The following LYST variants were observed in gnomAD, a reference collection of about 807,000 sequenced individuals.
LYST encodes the protein lysosomal-trafficking regulator.
In LYST, 192 loss-of-function variants were observed where a neutral mutation model predicts 413.6. The ratio of observed to expected loss-of-function variants is 0.46; its 90% confidence interval spans 0.41 to 0.52. The LOEUF (loss-of-function observed/expected upper bound fraction) is 0.52. Among genes scored for constraint, LYST ranks in the 20% least tolerant of loss-of-function variants. LYST has a pLI of 0.00. For missense variants in LYST, 3,815 were observed against 4,499.9 expected, an observed-to-expected ratio of 0.85 and a Z score of 4.35; for synonymous variants, 1,525 against 1,567.3, an observed-to-expected ratio of 0.97 and a Z score of 0.64.
intron 31 of LYST, chr1:235,738,500 A>G (rs1665020826): frequency 6.2e-7 from 1 of 1,612,250 alleles, no homozygotes; most frequent in Non-Finnish European, 8.5e-7. Flanking sequence ...ATCTGGACTC[A>G]GCCCAATTCC....
In LYST at chr1:235,681,699, T is replaced by C. The variant is rs1452698241; in HGVS notation, c.10801-4080A>G. Reference sequence around the variant, plus strand: ...TGCTGTGATTCTTTAATCCAAAATGTAGGTTTTAATTGTAGGAAAATCTCA... The same window carrying C: ...TGCTGTGATTCTTTAATCCAAAATGCAGGTTTTAATTGTAGGAAAATCTCA... On this transcript the variant is annotated intron_variant, in intron 48 of 52. Coordinates refer to ENST00000389793, the MANE Select transcript of LYST (RefSeq NM_000081.4). 1.2e-4 allele frequency among the ~76,000 whole-genome samples: 19 copies of C among 152,190 alleles called. 1 individual carries two copies. Among genetic ancestry groups the C allele is most frequent in the Admixed American group, 1.2e-3 (19 of 15,278 alleles).
At chr1:235,762,883 AT>A in intron 21 of LYST, 32 bp from the exon 22 acceptor site, 3 of 1,592,266 alleles carry the variant, frequency 1.9e-6, no homozygotes, top group Admixed American at 1.7e-5. Context: ...AAACAGCAAA[AT>A]TTTTAAAAAG....
intron 1 of LYST, among the ~76,000 whole-genome samples, chr1:235,873,458 G>A (rs998055211): frequency 1.3e-5 from 2 of 151,976 alleles, no homozygotes; most frequent in Non-Finnish European, 2.9e-5. Flanking sequence ...AATATACAAC[G>A]TAGGAAATGG....
rs67988872 is a variant in LYST at position 235,799,928 on chromosome 1, C to CTTTTTTTT, written c.4006+384_4006+391dup. 6.3e-5 allele frequency among the ~76,000 whole-genome samples: 4 copies of CTTTTTTTT among 63,504 alleles called. 1 individual carries two copies. The highest frequency in any genetic ancestry group is 2.7e-4 in the African/African-American group (4 of 14,826). 41.7% of individuals were successfully genotyped at this position (63,504 alleles called of 152,430 possible). A position where few individuals can be genotyped will look rare whatever the true frequency, so the allele number is the denominator to read the frequency against. On this transcript the variant is annotated intron_variant, in intron 10 of 52. Coordinates refer to ENST00000389793, the MANE Select transcript of LYST (RefSeq NM_000081.4). Reference sequence around the variant, plus strand: ...CACAGAGCACTATGCCAATGGAAGCCTTTTTTTTTTTTTTTTTTTTTTTTT... The same window carrying CTTTTTTTT: ...CACAGAGCACTATGCCAATGGAAGCCTTTTTTTTTTTTTTTTTTTTTTTTTTTTTTTTT...
At chr1:235,873,439 C>A (rs529019151) in intron 1 of LYST, among the ~76,000 whole-genome samples, 15 of 152,180 alleles carry the variant, frequency 9.9e-5, no homozygotes, top group African/African-American at 3.4e-4. Context: ...AAACACTAGA[C>A]AAATACACAA....
At chr1:235,876,669 T>C (rs1681154377) in intron 1 of LYST, among the ~76,000 whole-genome samples, 1 of 152,198 alleles carries the variant, frequency 6.6e-6, no homozygotes, top group African/African-American at 2.4e-5. Flanking sequence ...TGACATCCTG[T>C]TTGTTAGTAA....
rs1027823844 is a variant in LYST at position 235,781,015 on chromosome 1, A to G, written c.5064T>C (p.Ala1688=). The change falls in exon 16 of 53, where the codon GCT becomes GCC. Residue 1688 remains alanine (A), a synonymous_variant. Coordinates refer to ENST00000389793, the MANE Select transcript of LYST (RefSeq NM_000081.4). The part of the protein sequence containing the change: ...VGSQEAFYLY[A]CGPNHTSVMP... The stretch of plus-strand genomic sequence containing the variant: ...TTACAGATGTATGGTTGGGTCCACA[A>G]GCATACAGATAAAAGGCCTCTTGTG... The G allele has an allele frequency of 3.1e-6, 5 of 1,612,564 alleles. No individual in the cohort carries two copies. The highest frequency in any genetic ancestry group is 1.3e-5 in the African/African-American group (1 of 75,016).
Position 235,686,455 on chromosome 1 carries a change from G to A in LYST, c.10800+494C>T, listed in dbSNP as rs550691000. Among the ~76,000 whole-genome samples, 17 of 152,244 alleles carry A rather than the reference G, an allele frequency of 1.1e-4. No individual in the cohort carries two copies. The highest frequency in any genetic ancestry group is 2.1e-4 in the South Asian group (1 of 4,826). ...TGCATAATCTGTCTTATTTTTTCCCGTTTTATGATTCAACTCCAAAATCCT... is the reference window on the plus strand; with the variant it reads ...TGCATAATCTGTCTTATTTTTTCCCATTTTATGATTCAACTCCAAAATCCT... On this transcript the variant is annotated intron_variant, in intron 48 of 52. Transcript: ENST00000389793. The surrounding 1 kb of genome is among the most constrained non-coding windows in gnomAD (Gnocchi z 4.0).
chr1:235,689,618 T>C (rs1660497831), intron 47 of LYST, among the ~76,000 whole-genome samples: 1 of 152,240 alleles, frequency 6.6e-6, no homozygotes, highest in African/African-American at 2.4e-5. Context: ...TGTTGTATTC[T>C]TGAAATTTGC....
At chr1:235,791,386 G>A (rs1004086414) in intron 12 of LYST, among the ~76,000 whole-genome samples, 1 of 152,056 alleles carries the variant, frequency 6.6e-6, no homozygotes, top group Non-Finnish European at 1.5e-5. Flanking sequence ...ATAACATCAG[G>A]AGCCACCCTA....
At chr1:235,827,938 C>A (rs1227447534) in intron 3 of LYST, 5 of 479,600 alleles carry the variant, frequency 1.0e-5, no homozygotes, top group Non-Finnish European at 1.4e-5. Context: ...AAATAAATAA[C>A]CTGACCTTAA....
chr1:235,678,184 G>A (rs1295444387), intron 48 of LYST, among the ~76,000 whole-genome samples: 2 of 152,050 alleles, frequency 1.3e-5, no homozygotes, highest in African/African-American at 2.4e-5. Context: ...TCTGGGCATG[G>A]TGGCTCATGC....
chr1:235,818,436 G>T (rs967986011), intron 3 of LYST, among the ~76,000 whole-genome samples: 1 of 152,152 alleles, frequency 6.6e-6, no homozygotes, highest in Non-Finnish European at 1.5e-5. Flanking sequence ...CTAACATGGA[G>T]TTGGGTATTC....
Position 235,862,285 on chromosome 1 carries a change from C to T in LYST, c.-98+4558G>A, listed in dbSNP as rs564776442. On this transcript the variant is annotated intron_variant, in intron 1 of 52. Transcript: ENST00000389793. ...TTTCCTCACCCCTTTTCAGTGTATA[C>T]GGTAGTATCCCTTTATCCGCAGATT... 5.9e-5 allele frequency among the ~76,000 whole-genome samples: 9 copies of T among 152,294 alleles called. No homozygotes were observed. The South Asian group carries it at 6.2e-4, about 11-fold the overall frequency.
chr1:235,713,173 A>C, intron 42 of LYST: 1 of 985,384 alleles, frequency 1.0e-6, no homozygotes. Context: ...CCACTAAAAA[A>C]AATCTGGGAA....
At chr1:235,846,470 A>G (rs1009266364) in intron 1 of LYST, among the ~76,000 whole-genome samples, 1 of 152,166 alleles carries the variant, frequency 6.6e-6, no homozygotes, top group African/African-American at 2.4e-5. Flanking sequence ...AGGCTCTTCA[A>G]CACCCCCCCA....
chr1:235,819,152 A>G (rs1674484873), intron 3 of LYST, among the ~76,000 whole-genome samples: 1 of 152,128 alleles, frequency 6.6e-6, no homozygotes, highest in Admixed American at 6.5e-5. Flanking sequence ...ATCCCACACC[A>G]CCCTGATGCC....
chr1:235,795,238 GA>G (rs1322545328), intron 10 of LYST, among the ~76,000 whole-genome samples: 1 of 152,162 alleles, frequency 6.6e-6, no homozygotes, highest in African/African-American at 2.4e-5. Flanking sequence ...ACAGAGCACA[GA>G]TAGTTCAGTA....
chr1:235,699,927 A>G (rs1558129693), intron 45 of LYST, among the ~76,000 whole-genome samples: 1 of 152,214 alleles, frequency 6.6e-6, no homozygotes, highest in Non-Finnish European at 1.5e-5. Context: ...CTTAAGAAAT[A>G]ACACCACACA....
Sources: gnomAD v4.1 joint callset for allele counts (sites outside exome capture counted in the v4.1 genomes callset) on GRCh38, gnomAD v4.1.1 for gene constraint, Gnocchi (gnomAD v3.1) non-coding constraint, MANE v1.5 for transcripts, NCBI Gene and HGNC (gene_info 2026-07-23, HGNC 2026-07-21) for gene names.